The following ABCG2 variants were observed in gnomAD, a reference collection of about 807,000 sequenced individuals.
The protein encoded by ABCG2 is ATP binding cassette subfamily G member 2 (JR blood group), also known as broad substrate specificity ATP-binding cassette transporter ABCG2.
A neutral mutation model predicts 73.5 loss-of-function variants in ABCG2; 80 were observed. That is an observed-to-expected ratio of 1.09 (90% CI 0.91 to 1.31). The LOEUF (loss-of-function observed/expected upper bound fraction) is 1.31. ABCG2 is among the 50% of genes most tolerant of loss of function. The pLI is 0.00. For synonymous variants in ABCG2, 269 were observed against 282.4 expected (o/e 0.95, Z 0.48); for missense variants, 796 against 786.2 (o/e 1.01, Z -0.15).
intron 1 of ABCG2, chr4:88,223,972 TC>T (rs749298669): frequency 2.7e-4 from 41 of 152,154 alleles, no homozygotes; most frequent in Non-Finnish European, 5.7e-4. Context: ...ATGGTGAGCA[TC>T]TTTTCATGTG....
intron 5 of ABCG2, among the ~76,000 whole-genome samples, chr4:88,129,617 G>C (rs1724697638): frequency 6.6e-6 from 1 of 152,144 alleles, no homozygotes; most frequent in Non-Finnish European, 1.5e-5. Context: ...GCATCTCAGA[G>C]TTACTCTTCC....
intron 1 of ABCG2, among the ~76,000 whole-genome samples, chr4:88,167,296 C>T (rs1197764547): frequency 2.0e-5 from 3 of 151,284 alleles, no homozygotes; most frequent in Non-Finnish European, 1.5e-5. Flanking sequence ...GCCTGCATTT[C>T]TTCCCATGTG....
intron 5 of ABCG2, among the ~76,000 whole-genome samples, chr4:88,127,121 T>C (rs899591585): frequency 2.0e-5 from 3 of 152,152 alleles, no homozygotes; most frequent in African/African-American, 7.2e-5. Flanking sequence ...CAAGCATTCC[T>C]ATACACCAAT....
intron 5 of ABCG2, among the ~76,000 whole-genome samples, chr4:88,124,735 G>A (rs1724265482): frequency 6.6e-6 from 1 of 152,170 alleles, no homozygotes; most frequent in South Asian, 2.1e-4. Context: ...ACACCCCACT[G>A]TCAATATTAG....
chr4:88,191,996 T>A (rs1728709743), intron 1 of ABCG2, among the ~76,000 whole-genome samples: 1 of 151,716 alleles, frequency 6.6e-6, no homozygotes, highest in South Asian at 2.1e-4. Flanking sequence ...CGTGGCAAAA[T>A]CCCGTCTCTA....
chr4:88,123,738 T>C (rs546690164), intron 5 of ABCG2, among the ~76,000 whole-genome samples: 86 of 152,256 alleles, frequency 5.6e-4, no homozygotes, highest in African/African-American at 1.9e-3. Flanking sequence ...TTGGAAAACA[T>C]TCTTCAGGAT....
intron 1 of ABCG2, among the ~76,000 whole-genome samples, chr4:88,153,821 G>A (rs186520684): frequency 5.4e-4 from 82 of 152,238 alleles, no homozygotes; most frequent in African/African-American, 1.6e-3. Flanking sequence ...TCCTGGGCAG[G>A]AGCAAAACCC....
At chr4:88,143,473 T>G (rs1725776372) in intron 1 of ABCG2, among the ~76,000 whole-genome samples, 1 of 152,162 alleles carries the variant, frequency 6.6e-6, no homozygotes, top group Non-Finnish European at 1.5e-5. Context: ...GACACTTTTG[T>G]GAGGTTTCCA....
At chr4:88,132,223 C>T (rs1439153121) in intron 3 of ABCG2, among the ~76,000 whole-genome samples, 1 of 152,182 alleles carries the variant, frequency 6.6e-6, no homozygotes, top group East Asian at 1.9e-4. Flanking sequence ...CTTGGAGGTA[C>T]TAACACAGGC....
At chr4:88,207,594 G>C (rs1197930121) in intron 1 of ABCG2, among the ~76,000 whole-genome samples, 3 of 152,092 alleles carry the variant, frequency 2.0e-5, no homozygotes, top group Admixed American at 6.6e-5. Flanking sequence ...CCCAGAGCTG[G>C]AGTGCAGTGG....
At chr4:88,179,896 C>G (rs577508628) in intron 1 of ABCG2, among the ~76,000 whole-genome samples, 1 of 152,126 alleles carries the variant, frequency 6.6e-6, no homozygotes, top group East Asian at 1.9e-4. Flanking sequence ...AACACATGCA[C>G]ACATCAAGAA....
intron 1 of ABCG2, among the ~76,000 whole-genome samples, chr4:88,149,636 G>A (rs1273933997): frequency 6.6e-6 from 1 of 152,116 alleles, no homozygotes; most frequent in Non-Finnish European, 1.5e-5. Flanking sequence ...CGGATCACAT[G>A]AGGTCGGGAG....
In ABCG2 at chr4:88,136,186, T is replaced by C. The variant is rs182021935; in HGVS notation, c.204-3551A>G. On this transcript the variant is annotated intron_variant, in intron 2 of 15. Coordinates refer to ENST00000237612, the MANE Select transcript of ABCG2 (RefSeq NM_004827.3). The stretch of plus-strand genomic sequence containing the variant: ...CTCCCGCCCGCTTTGGCCAGATCTG[T>C]ATGCACCTGCACGTGGGAGGTAGTT... Among the ~76,000 whole-genome samples the C allele has an allele frequency of 4.3e-3, 659 of 152,274 alleles. 10 individuals are homozygous for C. Among genetic ancestry groups the C allele is most frequent in the South Asian group, 4.2e-3 (20 of 4,818 alleles).
In ABCG2 at chr4:88,195,443, G is replaced by C. The variant is rs539301273; in HGVS notation, c.-20+35551C>G. Among the ~76,000 whole-genome samples, 11 of 152,328 alleles carry C rather than the reference G, an allele frequency of 7.2e-5. No individual in the cohort carries two copies. In the South Asian group the frequency reaches 1.9e-3, roughly 26 times the overall value. ...ATATGTGGTCGGCTTGTTAGCAGCA[G>C]AAGGTATCCTAGTCACGTGGCACCA... On this transcript the variant is annotated intron_variant, in intron 1 of 15. Transcript: ENST00000515655.
chr4:88,139,757 T>C (rs4148152), intron 2 of ABCG2, 36 bp downstream of exon 2: 96,434 of 1,580,264 alleles, frequency 0.061, 6,031 homozygotes, highest in East Asian at 0.27. Flanking sequence ...TGTAGGTAAA[T>C]TAAAAAGCTG....
chr4:88,119,792 T>C (rs1466944848), intron 6 of ABCG2, among the ~76,000 whole-genome samples: 1 of 152,020 alleles, frequency 6.6e-6, no homozygotes, highest in Non-Finnish European at 1.5e-5. Flanking sequence ...AAAGATATGG[T>C]TTGAAATTGG....
intron 10 of ABCG2, among the ~76,000 whole-genome samples, chr4:88,104,000 A>G (rs1722614136): frequency 6.6e-6 from 1 of 152,240 alleles, no homozygotes; most frequent in Non-Finnish European, 1.5e-5. Context: ...CAATGCTGCA[A>G]TAAATATGAG....
rs577242565 is a variant in ABCG2, at chr4:88,122,569, G to A, written c.532-777C>T. Among the ~76,000 whole-genome samples the A allele has an allele frequency of 8.5e-4, 130 of 152,284 alleles. 1 individual carries two copies. The highest frequency in any genetic ancestry group is 1.6e-3 in the Non-Finnish European group (110 of 68,026). ...TGGGAAATTCGAACTGGGTAGAGCC[G>A]ACCACAGCTTGGCAAAGCCACTGTA... On this transcript the variant is annotated intron_variant, in intron 5 of 15. Transcript: ENST00000237612.
chr4:88,100,435 A>T (rs1722318157), intron 11 of ABCG2, among the ~76,000 whole-genome samples: 1 of 151,346 alleles, frequency 6.6e-6, no homozygotes, highest in African/African-American at 2.4e-5. Context: ...CCCGGGAGGT[A>T]GAGATTGCAG....
Sources: gnomAD v4.1 joint callset for allele counts (sites outside exome capture counted in the v4.1 genomes callset) on GRCh38, gnomAD v4.1.1 for gene constraint, MANE v1.5 for transcripts, NCBI Gene and HGNC (gene_info 2026-07-23, HGNC 2026-07-21) for gene names.